Variants in SATL1 observed in about 807,000 individuals in gnomAD.
SATL1 encodes spermidine/spermine N(1)-acetyltransferase-like protein 1.
A neutral mutation model predicts 51.8 loss-of-function variants in SATL1; 47 were observed. The observed-to-expected ratio is 0.91, with a 90% confidence interval of 0.72 to 1.16. The LOEUF (loss-of-function observed/expected upper bound fraction) is 1.16. Among genes scored for constraint, SATL1 ranks in the 50% most tolerant of loss-of-function variants. SATL1 has a pLI of 0.00. For synonymous variants in SATL1, 176 were observed against 182.4 expected (o/e 0.97, Z 0.28); for missense variants, 520 against 526.4 (o/e 0.99, Z 0.12).
In SATL1 at chrX:85,107,568, G is replaced by T. The variant is rs745999934; in HGVS notation, c.1401C>A (p.Asn467Lys). The change falls in exon 3 of 8, where the codon AAC (asparagine) becomes AAA (lysine). Residue 467 changes from asparagine (N) to lysine (K), a missense_variant. Asn to Lys is a moderately conservative substitution (Grantham distance 94). Transcript: ENST00000644105. ...TGCCTGGATGGCTCATGCCTGTTTG[G>T]TTCTTACTTGATTGGCTAGTGCCTG... ...RQPGTSQSSKNQTGMSHPGRG... is the reference protein window; with the variant it reads ...RQPGTSQSSKKQTGMSHPGRG... 2.5e-5 allele frequency: 30 copies of T among 1,211,901 alleles called. No homozygotes were observed. The highest frequency in any genetic ancestry group is 3.4e-5 in the Non-Finnish European group (30 of 895,494).
chrX:85,109,384 G>A (rs1925201867), intron 2 of SATL1, 104 bp from the exon 3 acceptor site: 1 of 187,654 alleles, frequency 5.3e-6, no homozygotes, highest in Non-Finnish European at 9.9e-6. Flanking sequence ...CGGTCACAAT[G>A]CAGGTATCAA....
At chrX:85,150,622 C>T (rs1214212389) in intron 2 of SATL1, among the ~76,000 whole-genome samples, 2 of 111,665 alleles carry the variant, frequency 1.8e-5, no homozygotes, top group Non-Finnish European at 3.8e-5. Flanking sequence ...CCACCATGAT[C>T]AAGTGGGCTT....
chrX:85,195,377 A>G (rs1333166290), intron 2 of SATL1, among the ~76,000 whole-genome samples: 2 of 111,566 alleles, frequency 1.8e-5, no homozygotes, highest in Non-Finnish European at 3.8e-5. Flanking sequence ...CCACATTTTT[A>G]GAAGATTGAG....
At chrX:85,230,949 T>C (rs1323150131) in intron 1 of SATL1, among the ~76,000 whole-genome samples, 2 of 111,995 alleles carry the variant, frequency 1.8e-5, no homozygotes. Context: ...TCTTGTACAT[T>C]GCTGGTGGGA....
At chrX:85,187,979 T>C (rs1455928454) in intron 2 of SATL1, among the ~76,000 whole-genome samples, 2 of 111,346 alleles carry the variant, frequency 1.8e-5, no homozygotes. Context: ...CCCTCCTCTA[T>C]AATTGTAAAA....
At chrX:85,209,344 G>A (rs918219061) in intron 2 of SATL1, 1 of 111,763 alleles carries the variant, frequency 8.9e-6, no homozygotes, top group African/African-American at 3.3e-5. Flanking sequence ...GCTTAGGATT[G>A]TCTTGGCAAT....
chrX:85,103,088 A>G (rs1194992368), intron 4 of SATL1, among the ~76,000 whole-genome samples: 1 of 111,778 alleles, frequency 8.9e-6, no homozygotes, highest in Non-Finnish European at 1.9e-5. Context: ...TAGTGGTGTT[A>G]ATTACCAAGT....
Position 85,194,919 on chromosome X carries a change from T to C in SATL1, c.-313+29286A>G, listed in dbSNP as rs985058225. Among the ~76,000 whole-genome samples the C allele has an allele frequency of 7.3e-5, 8 of 109,743 alleles. No individual in the cohort carries two copies. The Admixed American group carries it at 7.8e-4, about 11-fold the overall frequency. The stretch of plus-strand genomic sequence containing the variant: ...GGATAGCATTAGGAGAAATACCTAA[T>C]GTAGTTGATGAGTTGCTGGGTGCAG... On this transcript the variant is annotated intron_variant, in intron 2 of 7. Transcript: ENST00000644105.
At position 85,108,064 on chromosome X, in the gene SATL1, C is replaced by T. The variant is rs767812591; in HGVS notation, c.905G>A (p.Arg302Lys). 1.7e-6 allele frequency: 2 copies of T among 1,211,306 alleles called. No individual in the cohort carries two copies. Among genetic ancestry groups the T allele is most frequent in the Admixed American group, 2.2e-5 (1 of 46,001 alleles). The change falls in exon 3 of 8, where the codon AGG becomes AAG. Residue 302 changes from arginine to lysine, a missense_variant. Coordinates refer to ENST00000644105, the MANE Select transcript of SATL1 (RefSeq NM_001367857.2). ...GTCTGGTAGGTTTGTACCTGATTGCCTCATGCCAGCTTGGCTCATGCTTGG... is the reference window on the plus strand; with the variant it reads ...GTCTGGTAGGTTTGTACCTGATTGCTTCATGCCAGCTTGGCTCATGCTTGG... Reference protein sequence around the residue: ...KQPSMSQAGMRQSGTNLPDIN... With the variant: ...KQPSMSQAGMKQSGTNLPDIN...
At chrX:85,213,837 A>G (rs1212534278) in intron 2 of SATL1, among the ~76,000 whole-genome samples, 1 of 111,939 alleles carries the variant, frequency 8.9e-6, no homozygotes, top group Admixed American at 9.5e-5. Context: ...GACATGTAAA[A>G]TCATTAAGAG....
chrX:85,143,621 T>C (rs1926158718), intron 2 of SATL1: 1 of 111,899 alleles, frequency 8.9e-6, no homozygotes, highest in Non-Finnish European at 1.9e-5. Context: ...CTAGACAGTA[T>C]TACAAGCAAA....
intron 2 of SATL1, among the ~76,000 whole-genome samples, chrX:85,202,220 C>T (rs1927701191): frequency 1.8e-5 from 2 of 112,149 alleles, no homozygotes; most frequent in Non-Finnish European, 3.8e-5. Context: ...AGACCTTTGT[C>T]AGATACATAG....
At chrX:85,207,965 C>T (rs1337711903) in intron 2 of SATL1, 1 of 111,201 alleles carries the variant, frequency 9.0e-6, no homozygotes, top group Admixed American at 9.6e-5. Context: ...AGGTTTGATA[C>T]ATAGGTATAC....
rs1369106776 is a variant in SATL1, at chrX:85,224,310, T to C, written c.-418A>G. The C allele has an allele frequency of 9.0e-6, 1 of 111,451 alleles. No homozygotes were observed. The highest frequency in any genetic ancestry group is 1.9e-5 in the Non-Finnish European group (1 of 53,083). The allele number at this position is 111,451 out of a possible 1,213,427, so 9.2% of individuals were successfully genotyped here. A position where few individuals can be genotyped will look rare whatever the true frequency, so the allele number is the denominator to read the frequency against. On this transcript the variant is annotated 5_prime_UTR_variant, in exon 2 of 8. Transcript: ENST00000644105. ...CTTCTCCTCTGTGTGTGTCTATGTC[T>C]CCTCTTCTGCCTGTATCTTAACAGA...
intron 2 of SATL1, among the ~76,000 whole-genome samples, chrX:85,208,409 T>C (rs1375384840): frequency 8.9e-6 from 1 of 111,742 alleles, no homozygotes; most frequent in Non-Finnish European, 1.9e-5. Context: ...CCTTTGGGTA[T>C]ATACCCAGTA....
intron 2 of SATL1, among the ~76,000 whole-genome samples, chrX:85,165,182 T>G (rs1449255871): frequency 9.0e-6 from 1 of 111,600 alleles, no homozygotes; most frequent in East Asian, 2.8e-4. Flanking sequence ...CTAATTATTC[T>G]TATGTTTAGT....
chrX:85,193,297 T>C lies in SATL1; in HGVS notation c.-313+30908A>G, dbSNP rs926428291. 1.6e-4 allele frequency among the ~76,000 whole-genome samples: 18 copies of C among 111,744 alleles called. No individual in the cohort carries two copies. The Admixed American group carries it at 1.7e-3, about 11-fold the overall frequency. On this transcript the variant is annotated intron_variant, in intron 2 of 7. Transcript: ENST00000644105. ...AGAGGGTAACTCACAAGATTCTATG[T>C]GAATTCATACATGCCTAACCCAGGA...
intron 2 of SATL1, among the ~76,000 whole-genome samples, chrX:85,148,674 G>C (rs1926330721): frequency 8.9e-6 from 1 of 111,732 alleles, no homozygotes; most frequent in Admixed American, 9.5e-5. Context: ...CATTCTTAAA[G>C]AAAAGAATTT....
intron 2 of SATL1, among the ~76,000 whole-genome samples, chrX:85,146,198 T>A (rs1287934893): frequency 8.9e-6 from 1 of 112,052 alleles, no homozygotes; most frequent in Non-Finnish European, 1.9e-5. Flanking sequence ...GTGCCCGGCC[T>A]ACAGTATATT....
Sources: allele counts gnomAD v4.1 joint callset (sites outside exome capture counted in the v4.1 genomes callset), GRCh38; gene constraint gnomAD v4.1.1; transcripts MANE v1.5; gene names NCBI Gene and HGNC (gene_info 2026-07-23, HGNC 2026-07-21).